Variants in SLC12A3 observed in about 807,000 individuals in gnomAD.
SLC12A3 encodes solute carrier family 12 member 3, also known as Na-Cl cotransporter.
SLC12A3 carries 104 observed loss-of-function variants against 121.0 expected under a neutral mutation model. The observed-to-expected ratio is 0.86, with a 90% CI of 0.73 to 1.01. The LOEUF is 1.01. SLC12A3 is among the 50% of genes least tolerant of loss of function. The pLI is 0.00. For missense variants in SLC12A3, 1,328 were observed against 1,356.3 expected (o/e 0.98, Z 0.33); for synonymous variants, 536 against 533.4 (o/e 1.00, Z -0.07).
intron 13 of SLC12A3, among the ~76,000 whole-genome samples, chr16:56,883,314 TC>T (rs1267561699): frequency 1.4e-5 from 2 of 141,900 alleles, no homozygotes; most frequent in African/African-American, 5.3e-5. Context: ...GGAGTCTGGC[TC>T]TGTTGTCCAG....
chr16:56,884,426 G>C (rs1380230746), intron 14 of SLC12A3, among the ~76,000 whole-genome samples: 8 of 151,920 alleles, frequency 5.3e-5, no homozygotes, highest in African/African-American at 1.9e-4. Flanking sequence ...GGGCACCCAG[G>C]ACCCTGGAAT....
At chr16:56,895,461 T>C (rs1288367950) in intron 22 of SLC12A3, among the ~76,000 whole-genome samples, 2 of 150,696 alleles carry the variant, frequency 1.3e-5, no homozygotes, top group African/African-American at 4.8e-5. Context: ...CCCAAAGTGC[T>C]GGGATTACAG....
rs113885847 is a variant in SLC12A3, at chr16:56,880,226, G to A, written c.1540G>A (p.Ala514Thr). The change falls in exon 12 of 26, where the codon GCC (alanine) becomes ACC (threonine). Residue 514 changes from alanine to threonine, a missense_variant. By Grantham distance (58) the Ala-to-Thr change is moderately conservative (BLOSUM62 0). Coordinates refer to ENST00000563236, the MANE Select transcript of SLC12A3 (RefSeq NM_001126108.2). ...CGTGCGTGGCTACCTGCTGGCCTAC[G>A]CCATCGCTGTGGCCTTCATCATCAT... ...EPVRGYLLAY[A>T]IAVAFIIIAE... 28 of 1,586,034 alleles carry A rather than the reference G, an allele frequency of 1.8e-5. No individual in the cohort carries two copies. The highest frequency in any genetic ancestry group is 9.2e-5 in the South Asian group (8 of 86,906).
chr16:56,887,978 G>A lies in SLC12A3; in HGVS notation c.2232G>A (p.Lys744=). ...ACATTCTGGTGGTTGGGTTCAAGAA[G>A]AACTGGCAGTCGGCTCACCCGGCCA... ...KPNILVVGFK[K]NWQSAHPATV... The change falls in exon 18 of 26, where the codon AAG becomes AAA. Residue 744 remains lysine, a synonymous_variant. Transcript: ENST00000563236. 6.2e-7 allele frequency: 1 copy of A among 1,612,552 alleles called. No individual in the cohort carries two copies. The highest frequency in any genetic ancestry group is 1.1e-5 in the South Asian group (1 of 91,064).
chr16:56,893,772 C>T (rs1190198516), intron 21 of SLC12A3, among the ~76,000 whole-genome samples: 1 of 152,006 alleles, frequency 6.6e-6, no homozygotes, highest in Non-Finnish European at 1.5e-5. Flanking sequence ...TATTAAATGA[C>T]TTTTGTTTTT....
At chr16:56,906,063 C>T (rs2055604704) in intron 25 of SLC12A3, among the ~76,000 whole-genome samples, 1 of 152,128 alleles carries the variant, frequency 6.6e-6, no homozygotes, top group South Asian at 2.1e-4. Flanking sequence ...TGATACAACC[C>T]ATTCCCAGAC....
chr16:56,869,657 G>A, intron 3 of SLC12A3, 72 bp from the exon 4 acceptor site: 2 of 1,205,102 alleles, frequency 1.7e-6, no homozygotes, highest in Admixed American at 1.7e-5. Flanking sequence ...TAGGTCGCAT[G>A]GTGAATGAGT....
At position 56,867,050 on chromosome 16, in the gene SLC12A3, TGTG is replaced by T. The variant is rs1254168146; in HGVS notation, c.283-17_283-15del. 11 of 1,609,690 alleles carry T rather than the reference TGTG, an allele frequency of 6.8e-6. No individual in the cohort carries two copies. The African/African-American group carries it at 8.0e-5, about 12-fold the overall frequency. On this transcript the variant is annotated splice_polypyrimidine_tract_variant and intron_variant, in intron 1 of 25. Transcript: ENST00000563236. ...CCCTAGCACCCCTACCTGCCTGACT[TGTG>T]GTCTCTGGGCTGCCAGCAGGAAGGC...
intron 14 of SLC12A3, among the ~76,000 whole-genome samples, chr16:56,884,845 C>A (rs2055289392): frequency 6.6e-6 from 1 of 152,148 alleles, no homozygotes; most frequent in Non-Finnish European, 1.5e-5. Flanking sequence ...CGGCTCACTG[C>A]AACCTCCACC....
In SLC12A3 at chr16:56,913,273, C is replaced by T. The variant is rs952408041; in HGVS notation, c.2934C>T (p.Pro978=). The T allele has an allele frequency of 1.2e-6, 2 of 1,614,170 alleles. No individual in the cohort carries two copies. The highest frequency in any genetic ancestry group is 1.7e-6 in the Non-Finnish European group (2 of 1,180,032). ...TTTTCATGCCTTGCAGCACTTTGCC[C>T]ATAGGGAGGAAGGGGAAGTGCCCCA... ...RDAALIVITL[P]IGRKGKCPSS... The change falls in exon 26 of 26, where the codon CCC becomes CCT. Residue 978 remains proline, a synonymous_variant. Coordinates refer to ENST00000563236, the MANE Select transcript of SLC12A3 (RefSeq NM_001126108.2).
At chr16:56,867,038 A>T (rs1402886873) in intron 1 of SLC12A3, 32 bp from the exon 2 acceptor site, 3 of 1,607,218 alleles carry the variant, frequency 1.9e-6, no homozygotes, top group Non-Finnish European at 2.5e-6. Flanking sequence ...TAGCACCCCT[A>T]CCTGCCTGAC....
chr16:56,888,549 A>AATTTTT (rs2055348924), intron 18 of SLC12A3, among the ~76,000 whole-genome samples: 1 of 85,918 alleles, frequency 1.2e-5, no homozygotes, highest in Non-Finnish European at 2.1e-5. Context: ...AGATCTTTTA[A>AATTTTT]TTTTTTTTTT....
chr16:56,866,393 C>T (rs773584672), intron 1 of SLC12A3, among the ~76,000 whole-genome samples: 1 of 152,166 alleles, frequency 6.6e-6, no homozygotes, highest in African/African-American at 2.4e-5. Context: ...AGATGAAGTG[C>T]CAGGAAGAAA....
intron 22 of SLC12A3, among the ~76,000 whole-genome samples, chr16:56,897,040 C>T (rs530131061): frequency 6.6e-6 from 1 of 151,208 alleles, no homozygotes; most frequent in South Asian, 2.1e-4. Flanking sequence ...TGCAGTGAGC[C>T]GAGATTGTGC....
intron 25 of SLC12A3, among the ~76,000 whole-genome samples, chr16:56,912,635 T>C (rs1053402415): frequency 1.2e-4 from 19 of 152,232 alleles, no homozygotes; most frequent in African/African-American, 4.6e-4. Flanking sequence ...TATCAGACTG[T>C]GTTCTAGGCA....
intron 15 of SLC12A3, among the ~76,000 whole-genome samples, 164 bp downstream of exon 15, chr16:56,885,528 A>G (rs554436248): frequency 5.9e-5 from 9 of 152,256 alleles, no homozygotes; most frequent in Non-Finnish European, 1.3e-4. Flanking sequence ...AGCCACCACA[A>G]GACAGGGGTG....
rs1043742675 is a variant in SLC12A3, at chr16:56,877,720, C to T, written c.1096-357C>T. On this transcript the variant is annotated intron_variant, in intron 8 of 25. Coordinates refer to ENST00000563236, the MANE Select transcript of SLC12A3 (RefSeq NM_001126108.2). Reference sequence around the variant, plus strand: ...CAGGCCGACTCCAGAGCCCACCACCCTGCCCCCACCCTTACCACCCTCACA... The same window carrying T: ...CAGGCCGACTCCAGAGCCCACCACCTTGCCCCCACCCTTACCACCCTCACA... Among the ~76,000 whole-genome samples, 4 of 152,258 alleles carry T rather than the reference C, an allele frequency of 2.6e-5. No homozygotes were observed. In the East Asian group the frequency reaches 7.7e-4, roughly 29 times the overall value.
In SLC12A3 at chr16:56,888,628, G is replaced by A. The variant is rs375486897; in HGVS notation, c.2285+597G>A. On this transcript the variant is annotated intron_variant, in intron 18 of 25. Transcript: ENST00000563236. ...GGCTGGAGTGCAGTGGCGCTATCTC[G>A]GCTCACTGCAAGCTCCGCCTCCCGG... Among the ~76,000 whole-genome samples, 261 of 126,864 alleles carry A rather than the reference G, an allele frequency of 2.1e-3. 1 individual carries two copies. Among genetic ancestry groups the A allele is most frequent in the Admixed American group, 4.5e-3 (42 of 9,302 alleles). The allele number at this position is 126,864 out of a possible 152,430, so 83.2% of individuals were successfully genotyped here. A position where few individuals can be genotyped will look rare whatever the true frequency, so the allele number is the denominator to read the frequency against.
chr16:56,878,944 T>C, intron 9 of SLC12A3, 129 bp from the exon 10 acceptor site: 1 of 1,108,092 alleles, frequency 9.0e-7, no homozygotes, highest in Non-Finnish European at 1.3e-6. Context: ...ATTGTCATCA[T>C]TATCATTGCA....
Sources: allele counts gnomAD v4.1 joint callset (sites outside exome capture counted in the v4.1 genomes callset), GRCh38; gene constraint gnomAD v4.1.1; transcripts MANE v1.5; gene names NCBI Gene and HGNC (gene_info 2026-07-23, HGNC 2026-07-21).